The following CFI variants were observed in gnomAD, a reference collection of about 807,000 sequenced individuals.
The protein encoded by CFI is complement factor I.
CFI carries 66 observed loss-of-function variants against 78.8 expected under a neutral mutation model. The observed-to-expected ratio is 0.84, with a 90% confidence interval of 0.69 to 1.03. The LOEUF (loss-of-function observed/expected upper bound fraction) is 1.03. CFI is among the 50% of genes least tolerant of loss of function. The pLI is 0.00. For missense variants in CFI, 706 were observed against 704.5 expected (o/e 1.00, Z -0.02); for synonymous variants, 250 against 232.6 (o/e 1.07, Z -0.68).
rs377117137 is a variant in CFI, at chr4:109,742,614, C to T, written c.1430-19G>A. On this transcript the variant is annotated intron_variant, in intron 11 of 12. Coordinates refer to ENST00000394634, the MANE Select transcript of CFI (RefSeq NM_000204.5). ...TCGTTATCTAAACAAAGTGAGAAAG[C>T]AAACATTTAGAAGTCACAAATGAGA... The T allele has an allele frequency of 1.9e-4, 287 of 1,484,386 alleles. No individual in the cohort carries two copies. Among genetic ancestry groups the T allele is most frequent in the Non-Finnish European group, 2.4e-4 (259 of 1,062,402 alleles). 92.0% of individuals were successfully genotyped at this position (1,484,386 alleles called of 1,614,324 possible).
At chr4:109,775,735 A>T (rs1729145693) in intron 1 of CFI, among the ~76,000 whole-genome samples, 1 of 152,174 alleles carries the variant, frequency 6.6e-6, no homozygotes, top group Admixed American at 6.5e-5. Flanking sequence ...CCTAAATGGG[A>T]GACACCTCCC....
chr4:109,732,773 C>T, the CFI span, among the ~76,000 whole-genome samples: 7 of 149,996 alleles, frequency 4.7e-5, 1 homozygote, highest in South Asian at 4.3e-4. Context: ...AGGTGAATGG[C>T]GTGAACCCGG....
downstream of CFI, among the ~76,000 whole-genome samples, chr4:109,738,466 C>T (rs185603026): frequency 3.0e-3 from 453 of 152,220 alleles, no homozygotes; most frequent in African/African-American, 0.011. Context: ...GCGTTGCTCC[C>T]GGATTGCTGA....
Position 109,749,268 on chromosome 4 carries a change from C to T in CFI, c.1098G>A (p.Gly366=). The change falls in exon 10 of 13, where the codon GGG becomes GGA. Residue 366 remains glycine, a synonymous_variant. Coordinates refer to ENST00000394634, the MANE Select transcript of CFI (RefSeq NM_000204.5). ...TCCAACAGCCACCAATATAAATTCC[C>T]CCACAGGTGATTCCACTGGCATCCT... ...AIKDASGITC[G]GIYIGGCWIL... is the part of the protein sequence containing the mutation. The T allele has an allele frequency of 6.2e-7, 1 of 1,614,130 alleles. No homozygotes were observed. The highest frequency in any genetic ancestry group is 8.5e-7 in the Non-Finnish European group (1 of 1,180,026).
At position 109,766,726 on chromosome 4, in the gene CFI, C is replaced by G; in HGVS notation, c.156G>C (p.Gln52His). The part of the protein sequence containing the change: ...SCDKVFCQPW[Q>H]RCIEGTCVCK... ...AAACACAGGTGCCCTCAATGCATCT[C>G]TGCCATGGCTGGCAGAAGACTTTAT... Residue 52 changes from glutamine to histidine, a missense_variant, in exon 2 of 13, where the codon CAG becomes CAC. Gln to His is a conservative substitution (Grantham distance 24). Transcript: ENST00000394634. The G allele has an allele frequency of 6.2e-7, 1 of 1,614,220 alleles. No individual in the cohort carries two copies. The highest frequency in any genetic ancestry group is 8.5e-7 in the Non-Finnish European group (1 of 1,180,040).
intron 3 of CFI, 91 bp downstream of exon 3, chr4:109,764,446 T>C: frequency 7.2e-7 from 1 of 1,389,026 alleles, no homozygotes. Context: ...GTTACACATA[T>C]GGAAATTAAT....
chr4:109,733,895 C>T, the CFI span, among the ~76,000 whole-genome samples: 2,691 of 152,256 alleles, frequency 0.018, 34 homozygotes, highest in Non-Finnish European at 0.029. Context: ...CTTAGCTGGG[C>T]GCAGTGACTC....
chr4:109,766,927 C>T, intron 1 of CFI, 103 bp from the exon 2 acceptor site: 1 of 1,141,252 alleles, frequency 8.8e-7, no homozygotes, highest in East Asian at 2.4e-5. Context: ...GCCCACAGTA[C>T]AGATGAGGAT....
At chr4:109,761,777 G>A (rs1043250152) in intron 3 of CFI, 85 bp from the exon 4 acceptor site, 1 of 1,118,964 alleles carries the variant, frequency 8.9e-7, no homozygotes, top group Admixed American at 1.7e-5. Flanking sequence ...AGAAACTAGA[G>A]TAATGTCCTC....
intron 1 of CFI, among the ~76,000 whole-genome samples, chr4:109,768,893 TAC>T (rs34247569): frequency 1.3e-4 from 19 of 150,970 alleles, no homozygotes; most frequent in Non-Finnish European, 2.2e-4. Flanking sequence ...CAAATAGCTT[TAC>T]ACACACACAC....
At chr4:109,732,782 G>A in the CFI span, among the ~76,000 whole-genome samples, 7 of 151,176 alleles carry the variant, frequency 4.6e-5, no homozygotes, top group Non-Finnish European at 5.9e-5. Context: ...GCGTGAACCC[G>A]GGAGGCAGAG....
chr4:109,747,286 G>A (rs1361833253), intron 10 of CFI, among the ~76,000 whole-genome samples: 1 of 152,070 alleles, frequency 6.6e-6, no homozygotes, highest in Non-Finnish European at 1.5e-5. Context: ...CTGAGCTCAG[G>A]AGACACTCCC....
intron 3 of CFI, among the ~76,000 whole-genome samples, chr4:109,763,301 T>G (rs2126218857): frequency 6.6e-6 from 1 of 152,230 alleles, no homozygotes; most frequent in African/African-American, 2.4e-5. Context: ...AATCAATGAT[T>G]TATGGTATAA....
At chr4:109,745,893 G>C (rs1380647979) in intron 11 of CFI, among the ~76,000 whole-genome samples, 1 of 152,078 alleles carries the variant, frequency 6.6e-6, no homozygotes, top group Non-Finnish European at 1.5e-5. Context: ...GAATATATAT[G>C]ACCTTTGAAA....
At position 109,778,684 on chromosome 4, in the gene CFI, A is replaced by G. The variant is rs1729598713; in HGVS notation, c.58-11860T>C. On this transcript the variant is annotated intron_variant, in intron 1 of 12. Coordinates refer to ENST00000394634, the MANE Select transcript of CFI (RefSeq NM_000204.5). ...CCTGGCAGAGACACAACAAAAAAAA[A>G]GAATCTTAGACCAATATCCCTGAGG... Among the ~76,000 whole-genome samples, 6 of 152,312 alleles carry G rather than the reference A, an allele frequency of 3.9e-5. No individual in the cohort carries two copies. The South Asian group carries it at 1.2e-3, about 32-fold the overall frequency.
At chr4:109,762,702 C>T (rs1727241133) in intron 3 of CFI, 1 of 152,160 alleles carries the variant, frequency 6.6e-6, no homozygotes, top group Non-Finnish European at 1.5e-5. Flanking sequence ...GATCATGAGG[C>T]TGTGCCATGA....
In CFI at chr4:109,752,979, G is replaced by T. The variant is rs1358250390; in HGVS notation, c.905-476C>A. Among the ~76,000 whole-genome samples the T allele has an allele frequency of 1.1e-3, 12 of 10,766 alleles. 1 individual carries two copies. The highest frequency in any genetic ancestry group is 8.1e-3 in the South Asian group (3 of 370). 7.1% of individuals were successfully genotyped at this position (10,766 alleles called of 152,430 possible). On this transcript the variant is annotated intron_variant, in intron 7 of 12. Transcript: ENST00000394634. ...CATATTTATTATATATTTATTATATGAATAAATATTTATAATATATATTTA... is the reference window on the plus strand; with the variant it reads ...CATATTTATTATATATTTATTATATTAATAAATATTTATAATATATATTTA...
Position 109,751,438 on chromosome 4 carries a change from CTTTTTTTTTT to C in CFI, c.940+1020_940+1029del, listed in dbSNP as rs66497003. ...ACATCTATAGCTTCGAGAGCTAAAT[CTTTTTTTTTT>C]TTTTTTTTTTTGAGATGGAGTCTCA... On this transcript the variant is annotated intron_variant, in intron 8 of 12. Transcript: ENST00000394634. Among the ~76,000 whole-genome samples the C allele has an allele frequency of 6.5e-3, 652 of 100,370 alleles. 5 individuals carry two copies. The highest frequency in any genetic ancestry group is 0.011 in the Admixed American group (80 of 7,120). 65.8% of individuals were successfully genotyped at this position (100,370 alleles called of 152,430 possible). A position where few individuals can be genotyped will look rare whatever the true frequency, so the allele number is the denominator to read the frequency against.
At chr4:109,765,325 A>G (rs1370826829) in intron 2 of CFI, among the ~76,000 whole-genome samples, 1 of 152,230 alleles carries the variant, frequency 6.6e-6, no homozygotes, top group Non-Finnish European at 1.5e-5. Flanking sequence ...TGTTTTAAGC[A>G]TTCCTTAGGT....
Sources: allele counts gnomAD v4.1 joint callset (sites outside exome capture counted in the v4.1 genomes callset), GRCh38; gene constraint gnomAD v4.1.1; transcripts MANE v1.5; gene names NCBI Gene and HGNC (gene_info 2026-07-23, HGNC 2026-07-21).